Variants in PHACTR3 observed in about 807,000 individuals in gnomAD.
PHACTR3 encodes the protein phosphatase and actin regulator 3, also known as protein phosphatase 1, regulatory subunit 123.
A neutral mutation model predicts 66.8 loss-of-function variants in PHACTR3; 16 were observed. That is an observed-to-expected ratio of 0.24 (90% CI 0.16 to 0.36). The LOEUF (loss-of-function observed/expected upper bound fraction) is 0.36. Ranked by LOEUF, PHACTR3 falls within the 10% of genes least tolerant of loss-of-function variation. PHACTR3 has a pLI of 1.00. For synonymous variants in PHACTR3, 323 were observed against 292.1 expected, an observed-to-expected ratio of 1.11 and a Z score of -1.08; for missense variants, 647 against 719.9, an observed-to-expected ratio of 0.90 and a Z score of 1.16.
At chr20:59,651,128 A>G (rs1020970587) in intron 1 of PHACTR3, among the ~76,000 whole-genome samples, 1 of 152,150 alleles carries the variant, frequency 6.6e-6, no homozygotes, top group Non-Finnish European at 1.5e-5. Flanking sequence ...TAGGAGGCCA[A>G]GGTGGGAGAA....
At chr20:59,635,217 CTTCCTTCT>C (rs1295146109) in intron 1 of PHACTR3, among the ~76,000 whole-genome samples, 2,591 of 55,414 alleles carry the variant, frequency 0.047, 129 homozygotes, top group Middle Eastern at 0.15. Flanking sequence ...TCCTTCCTTC[CTTCCTTCT>C]TTCTTTCTTT....
chr20:59,778,870 C>T (rs545611025), intron 7 of PHACTR3, among the ~76,000 whole-genome samples: 6 of 152,286 alleles, frequency 3.9e-5, no homozygotes, highest in South Asian at 4.1e-4. Flanking sequence ...TAAGTGAACA[C>T]GGATTTTGAG....
chr20:59,750,757 G>A (rs1792669209), intron 3 of PHACTR3, among the ~76,000 whole-genome samples: 1 of 152,146 alleles, frequency 6.6e-6, no homozygotes, highest in Admixed American at 6.5e-5. Context: ...CTCTGGGAGG[G>A]GACTTGGACT....
At chr20:59,836,646 T>C in intron 9 of PHACTR3, 86 bp downstream of exon 9, 2 of 1,356,380 alleles carry the variant, frequency 1.5e-6, no homozygotes, top group East Asian at 5.0e-5. Context: ...AACCCAGCCC[T>C]TCTCTGCAAG....
Position 59,748,370 on chromosome 20 carries a change from G to A in PHACTR3, c.358+535G>A, listed in dbSNP as rs573290318. On this transcript the variant is annotated intron_variant, in intron 3 of 12. Transcript: ENST00000371015. ...CGGCTATCCCACTTGCAGACGAGGC[G>A]TGGGAGGGTCTGGGTGGTGACTGCC... is the stretch of plus-strand genomic sequence containing the variant. Among the ~76,000 whole-genome samples the A allele has an allele frequency of 5.3e-5, 8 of 152,242 alleles. No homozygotes were observed. The South Asian group carries it at 6.2e-4, about 12-fold the overall frequency.
chr20:59,584,801 T>C (rs983204715), intron 1 of PHACTR3, among the ~76,000 whole-genome samples: 1 of 152,172 alleles, frequency 6.6e-6, no homozygotes, highest in Non-Finnish European at 1.5e-5. Context: ...CGAGACCTCG[T>C]CTGTGAAGCC....
intron 7 of PHACTR3, among the ~76,000 whole-genome samples, chr20:59,797,899 C>T (rs2041301117): frequency 6.6e-6 from 1 of 151,698 alleles, no homozygotes; most frequent in East Asian, 1.9e-4. Flanking sequence ...AGTTTTACAT[C>T]AGTGTTTTTC....
chr20:59,709,764 A>G (rs964068939), intron 1 of PHACTR3, among the ~76,000 whole-genome samples: 2 of 151,826 alleles, frequency 1.3e-5, no homozygotes, highest in African/African-American at 4.8e-5. Flanking sequence ...ACCTGATGGG[A>G]ATTCTGGGTG....
intron 1 of PHACTR3, among the ~76,000 whole-genome samples, chr20:59,622,375 G>T (rs1568940108): frequency 6.6e-6 from 1 of 152,152 alleles, no homozygotes; most frequent in Non-Finnish European, 1.5e-5. Context: ...TGGGGGCAAT[G>T]CTAGTTCCTA....
intron 1 of PHACTR3, among the ~76,000 whole-genome samples, chr20:59,687,597 G>A (rs1045204282): frequency 6.6e-6 from 1 of 152,068 alleles, no homozygotes; most frequent in Admixed American, 6.5e-5. Flanking sequence ...AGATGATTTT[G>A]GAGTAGTGCT....
In PHACTR3 at chr20:59,604,592, GGGGGTGGGGGGT is replaced by G. The variant is rs1430898439; in HGVS notation, c.-411_-400del. ...TTCTTCCTTTTCCCTTTTTTCCTGG[GGGGGTGGGGGGT>G]GGGGTGGGGGGAGGGAGCGCCCCCA... On this transcript the variant is annotated 5_prime_UTR_variant, in exon 1 of 13. Transcript: ENST00000371015. The G allele has an allele frequency of 1.6e-5, 7 of 436,070 alleles. No individual in the cohort carries two copies. Among genetic ancestry groups the G allele is most frequent in the Non-Finnish European group, 2.1e-5 (7 of 329,568 alleles). 27.0% of individuals were successfully genotyped at this position (436,070 alleles called of 1,614,324 possible). A position where few individuals can be genotyped will look rare whatever the true frequency, so the allele number is the denominator to read the frequency against.
At chr20:59,691,952 C>T (rs1357780986) in intron 1 of PHACTR3, among the ~76,000 whole-genome samples, 4 of 152,178 alleles carry the variant, frequency 2.6e-5, no homozygotes, top group African/African-American at 7.2e-5. Context: ...TGGACTGCCA[C>T]GATTTAAATT....
At chr20:59,636,655 A>T (rs1323107989) in intron 1 of PHACTR3, among the ~76,000 whole-genome samples, 1 of 152,192 alleles carries the variant, frequency 6.6e-6, no homozygotes, top group Non-Finnish European at 1.5e-5. Flanking sequence ...AATGGATATC[A>T]GGATATTTAC....
intron 9 of PHACTR3, 121 bp from the exon 10 acceptor site, chr20:59,840,248 G>A: frequency 7.0e-7 from 1 of 1,432,698 alleles, no homozygotes; most frequent in Non-Finnish European, 9.2e-7. Flanking sequence ...CATGAGTGAT[G>A]TGGAATTAAC....
At position 59,609,176 on chromosome 20, in the gene PHACTR3, G is replaced by A. The variant is rs6128643; in HGVS notation, c.118+4044G>A. The stretch of plus-strand genomic sequence containing the variant: ...CGGGTCCAGGTCTGCTTTACTGCCT[G>A]GAGAGGGAGACCCTCTCAGAGCATC... On this transcript the variant is annotated intron_variant, in intron 1 of 12. Transcript: ENST00000371015. Among the ~76,000 whole-genome samples the A allele has an allele frequency of 0.026, 3,912 of 152,228 alleles. 427 individuals carry two copies. The East Asian group carries it at 0.36, about 14-fold the overall frequency.
intron 1 of PHACTR3, among the ~76,000 whole-genome samples, chr20:59,676,357 G>A (rs1319773212): frequency 6.6e-6 from 1 of 152,252 alleles, no homozygotes; most frequent in Non-Finnish European, 1.5e-5. Context: ...CGGGCACAGA[G>A]AGGAGTGGGC....
At chr20:59,755,113 C>A in intron 3 of PHACTR3, 69 bp from the exon 4 acceptor site, 11 of 1,501,872 alleles carry the variant, frequency 7.3e-6, no homozygotes, top group Non-Finnish European at 1.0e-5. Flanking sequence ...CTCAGAAAGA[C>A]TCTTGGGACG....
At chr20:59,828,631 C>T (rs778491610) in intron 8 of PHACTR3, among the ~76,000 whole-genome samples, 2 of 151,846 alleles carry the variant, frequency 1.3e-5, no homozygotes, top group South Asian at 2.1e-4. Flanking sequence ...ACATCTTTGC[C>T]GGACAGGGAC....
At chr20:59,741,386 G>A (rs921704650) in intron 1 of PHACTR3, among the ~76,000 whole-genome samples, 1 of 152,294 alleles carries the variant, frequency 6.6e-6, no homozygotes, top group East Asian at 1.9e-4. Context: ...ACGGGTCTGC[G>A]ATCTTCCTCC....
Sources: allele counts gnomAD v4.1 joint callset (sites outside exome capture counted in the v4.1 genomes callset), GRCh38; gene constraint gnomAD v4.1.1; transcripts MANE v1.5; gene names NCBI Gene and HGNC (gene_info 2026-07-23, HGNC 2026-07-21).